The following MYO3B variants were observed in gnomAD, a reference collection of about 807,000 sequenced individuals.
MYO3B encodes myosin-IIIb.
Under a neutral mutation model 174.6 loss-of-function variants are expected in MYO3B, and 156 were observed. That is an observed-to-expected ratio of 0.89 (90% CI 0.78 to 1.02). The LOEUF (loss-of-function observed/expected upper bound fraction) is 1.02, where lower values mean the gene tolerates loss of function less well. MYO3B is among the 50% of genes least tolerant of loss of function. The probability of loss-of-function intolerance (pLI) is 0.00; values close to 1 mark genes in which losing one functional copy is unlikely to be tolerated. For synonymous variants in MYO3B, 563 were observed against 569.1 expected, an observed-to-expected ratio of 0.99 and a Z score of 0.15; for missense variants, 1,632 against 1,639.4, an observed-to-expected ratio of 1.00 and a Z score of 0.08.
intron 1 of MYO3B, among the ~76,000 whole-genome samples, chr2:170,194,052 T>G (rs932342590): frequency 6.6e-5 from 10 of 152,190 alleles, no homozygotes; most frequent in African/African-American, 2.4e-4. Flanking sequence ...TTACTAGGGC[T>G]TCACATTTAT....
chr2:170,274,766 C>G (rs1424364896), intron 7 of MYO3B, among the ~76,000 whole-genome samples: 1 of 152,086 alleles, frequency 6.6e-6, no homozygotes, highest in Non-Finnish European at 1.5e-5. Context: ...TAAATTTTAA[C>G]TTAATAAACT....
At chr2:170,178,870 G>A (rs1359144029) in intron 1 of MYO3B, among the ~76,000 whole-genome samples, 2 of 152,266 alleles carry the variant, frequency 1.3e-5, no homozygotes, top group African/African-American at 4.8e-5. Flanking sequence ...CTTAGTGACT[G>A]CAATATCATG....
chr2:170,646,488 G>A (rs1244648577), intron 32 of MYO3B, among the ~76,000 whole-genome samples: 1 of 151,678 alleles, frequency 6.6e-6, no homozygotes, highest in Non-Finnish European at 1.5e-5. Context: ...CCTGCCTCCT[G>A]AACTCAAGGG....
At chr2:170,584,804 A>T (rs934305389) in intron 32 of MYO3B, among the ~76,000 whole-genome samples, 1 of 152,234 alleles carries the variant, frequency 6.6e-6, no homozygotes, top group Non-Finnish European at 1.5e-5. Context: ...CTAATGAGTT[A>T]TTTTTAGGCT....
chr2:170,317,425 G>C (rs920771041), intron 7 of MYO3B, among the ~76,000 whole-genome samples: 3 of 151,982 alleles, frequency 2.0e-5, no homozygotes, highest in Non-Finnish European at 2.9e-5. Context: ...GACTCTTTGT[G>C]TTCACCAAAT....
At chr2:170,524,228 A>G (rs1045457847) in intron 30 of MYO3B, among the ~76,000 whole-genome samples, 4 of 152,112 alleles carry the variant, frequency 2.6e-5, no homozygotes, top group African/African-American at 4.8e-5. Context: ...TACTCACTCT[A>G]TGTTACAGAT....
intron 8 of MYO3B, among the ~76,000 whole-genome samples, chr2:170,368,650 T>C (rs2094216029): frequency 6.6e-6 from 1 of 152,242 alleles, no homozygotes; most frequent in South Asian, 2.1e-4. Context: ...ATCTGAATTA[T>C]ATTGTACTCA....
intron 6 of MYO3B, among the ~76,000 whole-genome samples, chr2:170,226,031 T>C (rs1253163214): frequency 6.6e-6 from 1 of 152,208 alleles, no homozygotes; most frequent in Non-Finnish European, 1.5e-5. Context: ...AGGGAAGACC[T>C]GCTTTCAGTT....
At chr2:170,534,934 G>A (rs11884971) in intron 30 of MYO3B, among the ~76,000 whole-genome samples, 11,551 of 152,106 alleles carry the variant, frequency 0.076, 1,048 homozygotes, top group African/African-American at 0.21. Flanking sequence ...TTTTGAAACC[G>A]TATTCAGGGA....
Position 170,499,712 on chromosome 2 carries a change from G to A in MYO3B, c.3193G>A (p.Val1065Ile). ...LLLREVIGRV[V>I]VLQAYTKGWL... ...GCTTCGAGAAGTCATAGGCAGAGTGGTTGTGCTGCAGGCATATACCAAGGG... is the reference window on the plus strand; with the variant it reads ...GCTTCGAGAAGTCATAGGCAGAGTGATTGTGCTGCAGGCATATACCAAGGG... The change falls in exon 27 of 35, where the codon GTT (valine) becomes ATT (isoleucine). Residue 1065 changes from valine (V) to isoleucine (I), a missense_variant. Physicochemically the swap from Val to Ile is conservative, Grantham distance 29. Coordinates refer to ENST00000408978, the MANE Select transcript of MYO3B (RefSeq NM_138995.5). The A allele has an allele frequency of 6.2e-7, 1 of 1,614,152 alleles. No individual in the cohort carries two copies.
In MYO3B at chr2:170,463,390, G is replaced by A. The variant is rs55769829; in HGVS notation, c.2753G>A (p.Arg918Gln). The stretch of plus-strand genomic sequence containing the variant: ...CAGGTGGACACTCTGGAGGTGATAC[G>A]GCATCCGGAAGAAACCACCAACATG... ...KAKVDTLEVI[R>Q]HPEETTNMKR... The change falls in exon 24 of 35, where the codon CGG becomes CAG. Residue 918 changes from arginine (R) to glutamine (Q), a missense_variant. Arg to Gln is a conservative substitution (Grantham distance 43, BLOSUM62 1). Transcript: ENST00000408978. The A allele has an allele frequency of 3.2e-5, 51 of 1,613,880 alleles. No homozygotes were observed. Among genetic ancestry groups the A allele is most frequent in the Non-Finnish European group, 3.8e-5 (45 of 1,180,028 alleles).
intron 7 of MYO3B, among the ~76,000 whole-genome samples, chr2:170,283,505 C>T (rs1302463056): frequency 6.6e-6 from 1 of 152,166 alleles, no homozygotes; most frequent in Non-Finnish European, 1.5e-5. Context: ...AACCTCTCCC[C>T]TATAGTGTTT....
intron 32 of MYO3B, among the ~76,000 whole-genome samples, chr2:170,632,763 A>G (rs558382306): frequency 2.6e-5 from 4 of 152,204 alleles, no homozygotes; most frequent in Non-Finnish European, 4.4e-5. Flanking sequence ...GAAAAGAGAG[A>G]AGAATCAAAT....
At chr2:170,213,286 A>G (rs986187695) in intron 3 of MYO3B, among the ~76,000 whole-genome samples, 3 of 152,166 alleles carry the variant, frequency 2.0e-5, no homozygotes, top group Non-Finnish European at 4.4e-5. Flanking sequence ...GAGCTCTCTG[A>G]GTGAGCAATT....
chr2:170,280,448 C>A (rs190371824), intron 7 of MYO3B, among the ~76,000 whole-genome samples: 6 of 152,032 alleles, frequency 3.9e-5, no homozygotes, highest in Non-Finnish European at 5.9e-5. Context: ...TTTTGCCGTG[C>A]GGAAGCTCTT....
At chr2:170,288,165 A>G (rs1195235083) in intron 7 of MYO3B, among the ~76,000 whole-genome samples, 3 of 151,542 alleles carry the variant, frequency 2.0e-5, no homozygotes, top group Admixed American at 2.0e-4. Flanking sequence ...TGGTGCCTCC[A>G]GCTTCGCTCT....
chr2:170,443,485 CTT>C (rs1294358314), intron 22 of MYO3B, among the ~76,000 whole-genome samples: 1 of 152,120 alleles, frequency 6.6e-6, no homozygotes, highest in Non-Finnish European at 1.5e-5. Flanking sequence ...TGCAGAATCT[CTT>C]TAGTTTAATT....
chr2:170,549,562 A>C (rs1221714513), intron 32 of MYO3B, among the ~76,000 whole-genome samples: 1 of 152,180 alleles, frequency 6.6e-6, no homozygotes, highest in African/African-American at 2.4e-5. Context: ...TAAATTTTAT[A>C]AATTTTATAG....
intron 6 of MYO3B, among the ~76,000 whole-genome samples, chr2:170,222,906 C>T (rs768802188): frequency 3.9e-4 from 59 of 152,064 alleles, no homozygotes; most frequent in Non-Finnish European, 7.6e-4. Context: ...TAGATGCTAG[C>T]ATAGTGAGAG....
Sources: gnomAD v4.1 joint callset for allele counts (sites outside exome capture counted in the v4.1 genomes callset) on GRCh38, gnomAD v4.1.1 for gene constraint, MANE v1.5 for transcripts, NCBI Gene and HGNC (gene_info 2026-07-23, HGNC 2026-07-21) for gene names.